The following H2BW1 variants were observed in gnomAD, a reference collection of about 807,000 sequenced individuals.
H2BW1 encodes the protein H2B.W histone 1, also known as histone H2B type W-T.
In H2BW1, 9 loss-of-function variants were observed where a neutral mutation model predicts 8.0. The ratio of observed to expected loss-of-function variants is 1.13; its 90% CI spans 0.68 to 1.97. The LOEUF is 1.97. H2BW1 is among the 30% of genes most tolerant of loss of function. The pLI is 0.00. For missense variants in H2BW1, 137 were observed against 132.0 expected (o/e 1.04, Z -0.19); for synonymous variants, 58 against 54.7 (o/e 1.06, Z -0.26).
chrX:104,011,211 A>G lies in H2BW1; in HGVS notation c.*275T>C, dbSNP rs1315534635. 8.9e-6 allele frequency: 1 copy of G among 112,682 alleles called. No homozygotes were observed. Among genetic ancestry groups the G allele is most frequent in the African/African-American group, 3.2e-5 (1 of 30,961 alleles). 9.3% of individuals were successfully genotyped at this position (112,682 alleles called of 1,213,427 possible). A position where few individuals can be genotyped will look rare whatever the true frequency, so the allele number is the denominator to read the frequency against. ...AGACTGGCGCTTTAAAGCGAAAACA[A>G]TTAGCATAATGAGAAATAAGTCACT... On this transcript the variant is annotated 3_prime_UTR_variant, in exon 3 of 3. Transcript: ENST00000217926.
Position 104,013,637 on chromosome X carries a change from C to A in H2BW1, c.-61G>T, listed in dbSNP as rs781903431. 3.4e-5 allele frequency: 41 copies of A among 1,204,561 alleles called. No homozygotes were observed. The highest frequency in any genetic ancestry group is 4.3e-5 in the Non-Finnish European group (38 of 892,167). On this transcript the variant is annotated 5_prime_UTR_variant, in exon 1 of 3. Transcript: ENST00000217926. ...CAATGGCGGTTGTGGACCGGGGAAGCCGGGGCACTTCGGTACGCAGCATGG... is the reference window on the plus strand; with the variant it reads ...CAATGGCGGTTGTGGACCGGGGAAGACGGGGCACTTCGGTACGCAGCATGG...
intron 2 of H2BW1, among the ~76,000 whole-genome samples, chrX:104,012,076 G>C (rs782280141): frequency 9.0e-6 from 1 of 111,646 alleles, no homozygotes; most frequent in Non-Finnish European, 1.9e-5. Context: ...CACAATGAAA[G>C]CTAACCTATA....
At chrX:104,012,405 T>C (rs190646099) in intron 2 of H2BW1, among the ~76,000 whole-genome samples, 19 of 112,583 alleles carry the variant, frequency 1.7e-4, no homozygotes, top group Admixed American at 1.6e-3. Context: ...ACTCATTGGC[T>C]ACACCACTGA....
intron 1 of H2BW1, 122 bp downstream of exon 1, chrX:104,013,048 C>T (rs782046598): frequency 4.7e-5 from 47 of 1,000,865 alleles, no homozygotes; most frequent in East Asian, 1.9e-4. Context: ...CCCCAGCCTC[C>T]GGTGGTGTCC....
rs185858020 is a variant in H2BW1 at position 104,011,184 on chromosome X, A to G, written c.*302T>C. On this transcript the variant is annotated 3_prime_UTR_variant, in exon 3 of 3. Transcript: ENST00000217926. The stretch of plus-strand genomic sequence containing the variant: ...TTTATTTGTATGTCCCATTTGACAG[A>G]AAGACTGGCGCTTTAAAGCGAAAAC... 8.9e-6 allele frequency: 1 copy of G among 112,978 alleles called. No homozygotes were observed. The highest frequency in any genetic ancestry group is 2.8e-4 in the East Asian group (1 of 3,628). 9.3% of individuals were successfully genotyped at this position (112,978 alleles called of 1,213,427 possible). A position where few individuals can be genotyped will look rare whatever the true frequency, so the allele number is the denominator to read the frequency against.
intron 2 of H2BW1, 146 bp downstream of exon 2, chrX:104,012,544 A>G: frequency 1.1e-6 from 1 of 904,966 alleles, no homozygotes; most frequent in Non-Finnish European, 1.5e-6. Context: ...ATGAACTGCA[A>G]TAGTGATCTC....
intron 1 of H2BW1, 38 bp from the exon 2 acceptor site, chrX:104,012,786 C>T: frequency 1.7e-6 from 2 of 1,209,341 alleles, no homozygotes; most frequent in African/African-American, 1.7e-5. Flanking sequence ...GAGAATGAGA[C>T]AGAAAAAGGT....
rs1266576172 is a variant in H2BW1, at chrX:104,013,678, C to T, written c.-102G>A. ...CGCAGCATGGCTCCACGTCTCGGGC[C>T]AGCTTCACGTCTGATTGGATGAAGT... On this transcript the variant is annotated 5_prime_UTR_variant, in exon 1 of 3. Coordinates refer to ENST00000217926, the MANE Select transcript of H2BW1 (RefSeq NM_001002916.5). 1.0e-5 allele frequency: 12 copies of T among 1,185,409 alleles called. No homozygotes were observed. The highest frequency in any genetic ancestry group is 1.4e-5 in the Non-Finnish European group (12 of 882,194).
At chrX:104,011,753 T>C (rs1419267129) in intron 2 of H2BW1, among the ~76,000 whole-genome samples, 4 of 112,384 alleles carry the variant, frequency 3.6e-5, no homozygotes, top group African/African-American at 1.3e-4. Flanking sequence ...TTCCCAGCTT[T>C]TGTTTCATGG....
chrX:104,012,294 C>T (rs1157740187), intron 2 of H2BW1, among the ~76,000 whole-genome samples: 1 of 111,641 alleles, frequency 9.0e-6, no homozygotes, highest in East Asian at 2.8e-4. Flanking sequence ...ACCCTGTCCC[C>T]CCAAACACCA....
chrX:104,013,188 C>T lies in H2BW1; in HGVS notation c.389G>A (p.Gly130Asp). 8.3e-7 allele frequency: 1 copy of T among 1,206,778 alleles called. No individual in the cohort carries two copies. Among genetic ancestry groups the T allele is most frequent in the Non-Finnish European group, 1.1e-6 (1 of 892,790 alleles). The change falls in exon 1 of 3, where the codon GGC (glycine) becomes GAC (aspartate). Residue 130 changes from glycine (G) to aspartate (D), a missense_variant. By Grantham distance (94) the Gly-to-Asp change is moderately conservative (BLOSUM62 -1). Transcript: ENST00000217926. Reference protein sequence around the residue: ...GQMGKLAESEGTKAVLRTSLY... With the variant: ...GQMGKLAESEDTKAVLRTSLY... Reference sequence around the variant, plus strand: ...GGTGTACCTGAGGACAGCCTTCGTGCCTTCGGACTCGGCGAGCTTGCCCAT... The same window carrying T: ...GGTGTACCTGAGGACAGCCTTCGTGTCTTCGGACTCGGCGAGCTTGCCCAT...
At chrX:104,011,896 A>C (rs781906650) in intron 2 of H2BW1, among the ~76,000 whole-genome samples, 1 of 111,395 alleles carries the variant, frequency 9.0e-6, no homozygotes, top group Non-Finnish European at 1.9e-5. Context: ...CAATACAATA[A>C]ATTCCTATGG....
Position 104,013,156 on chromosome X carries a change from T to C in H2BW1, c.407+14A>G. On this transcript the variant is annotated intron_variant, in intron 1 of 2. Transcript: ENST00000217926. ...TCGGGTGCTCCTGAGGGAGCGCACT[T>C]GCTCCTGGTGTACCTGAGGACAGCC... 1.7e-6 allele frequency: 2 copies of C among 1,191,070 alleles called. No homozygotes were observed. Among genetic ancestry groups the C allele is most frequent in the Non-Finnish European group, 2.3e-6 (2 of 884,397 alleles).
In H2BW1 at chrX:104,011,252, T is replaced by G. The variant is rs1401027956; in HGVS notation, c.*234A>C. 9.8e-5 allele frequency: 11 copies of G among 112,031 alleles called. No homozygotes were observed. Among genetic ancestry groups the G allele is most frequent in the South Asian group, 3.7e-4 (1 of 2,670 alleles). The allele number at this position is 112,031 out of a possible 1,213,427, so 9.2% of individuals were successfully genotyped here. The stretch of plus-strand genomic sequence containing the variant: ...ATAAGTCACTGAGTGAGATGCGGTG[T>G]TTTAGACAAGGTACACAGCTCTGTC... On this transcript the variant is annotated 3_prime_UTR_variant, in exon 3 of 3. Coordinates refer to ENST00000217926, the MANE Select transcript of H2BW1 (RefSeq NM_001002916.5).
At position 104,013,617 on chromosome X, in the gene H2BW1, GC is replaced by G. The variant is rs2075133284; in HGVS notation, c.-42del. 1 of 1,210,246 alleles carries G rather than the reference GC, an allele frequency of 8.3e-7. No homozygotes were observed. The highest frequency in any genetic ancestry group is 1.1e-6 in the Non-Finnish European group (1 of 894,617). On this transcript the variant is annotated 5_prime_UTR_variant, in exon 1 of 3. An upstream open reading frame in the 5' UTR gains an earlier in-frame stop. Transcript: ENST00000217926. Reference sequence around the variant, plus strand: ...CATTAGATGGCACGACCAGACAATGGCGGTTGTGGACCGGGGAAGCCGGGGC... The same window carrying G: ...CATTAGATGGCACGACCAGACAATGGGGTTGTGGACCGGGGAAGCCGGGGC...
rs782583380 is a variant in H2BW1, at chrX:104,013,439, G to A, written c.138C>T (p.Ser46=). Residue 46 remains serine, a synonymous_variant, in exon 1 of 3, where the codon TCC becomes TCT. Coordinates refer to ENST00000217926, the MANE Select transcript of H2BW1 (RefSeq NM_001002916.5). ...RGRHGPRRCH[S]NCRGDSFATY... ...TGGCGAAGCTGTCCCCGCGGCAGTT[G>A]GAGTGGCACCTGCGGGGCCCATGGC... The A allele has an allele frequency of 1.2e-5, 15 of 1,212,449 alleles. No individual in the cohort carries two copies. The highest frequency in any genetic ancestry group is 1.7e-5 in the Non-Finnish European group (15 of 895,669).
Position 104,013,275 on chromosome X carries a change from T to A in H2BW1, c.302A>T (p.Lys101Met). The A allele has an allele frequency of 8.3e-7, 1 of 1,211,819 alleles. No individual in the cohort carries two copies. Among genetic ancestry groups the A allele is most frequent in the Non-Finnish European group, 1.1e-6 (1 of 895,524 alleles). The stretch of plus-strand genomic sequence containing the variant: ...CTCCCAGGCAGTGATGGTCTGGCGC[T>A]TGGTGGAGCGGGCCAGGTGACCAGC... The part of the protein sequence containing the change: ...TEAGHLARST[K>M]RQTITAWETR... Residue 101 changes from lysine (K) to methionine (M), a missense_variant, in exon 1 of 3, where the codon AAG becomes ATG. Coordinates refer to ENST00000217926, the MANE Select transcript of H2BW1 (RefSeq NM_001002916.5).
At position 104,012,701 on chromosome X, in the gene H2BW1, T is replaced by C. The variant is rs782590542; in HGVS notation, c.*11A>G. 6 of 1,210,097 alleles carry C rather than the reference T, an allele frequency of 5.0e-6. No homozygotes were observed. The African/African-American group carries it at 8.8e-5, about 18-fold the overall frequency. On this transcript the variant is annotated 3_prime_UTR_variant, in exon 2 of 3. Coordinates refer to ENST00000217926, the MANE Select transcript of H2BW1 (RefSeq NM_001002916.5). ...TTTAGGAGGGTTACCTTGCTTCTTG[T>C]ATCAGCGTATTCACTTTCTCTGTTG...
chrX:104,013,547 A>C lies in H2BW1; in HGVS notation c.30T>G (p.Ser10=). ...GCTCCTGGGTGATCAGCTGTTCCTC[A>C]GAGGTCGTCTCAGAGGAAGGTCCAG... MAGPSSETT[S]EEQLITQEPK... The change falls in exon 1 of 3, where the codon TCT becomes TCG. Residue 10 remains serine, a synonymous_variant. Coordinates refer to ENST00000217926, the MANE Select transcript of H2BW1 (RefSeq NM_001002916.5). 8.3e-7 allele frequency: 1 copy of C among 1,211,795 alleles called. No homozygotes were observed. Among genetic ancestry groups the C allele is most frequent in the Non-Finnish European group, 1.1e-6 (1 of 895,493 alleles).
Sources: allele counts gnomAD v4.1 joint callset (sites outside exome capture counted in the v4.1 genomes callset), GRCh38; gene constraint gnomAD v4.1.1; transcripts MANE v1.5; gene names NCBI Gene and HGNC (gene_info 2026-07-23, HGNC 2026-07-21).